Variants in GRIK1 observed in about 807,000 individuals in gnomAD.
GRIK1 encodes the protein glutamate ionotropic receptor kainate type subunit 1, also known as glutamate receptor ionotropic, kainate 1.
In GRIK1, 69 loss-of-function variants were observed where a neutral mutation model predicts 105.7. The ratio of observed to expected loss-of-function variants is 0.65; its 90% confidence interval spans 0.54 to 0.80. The LOEUF is 0.80. GRIK1 is among the 30% of genes least tolerant of loss of function. The pLI, the probability that GRIK1 is intolerant of heterozygous loss-of-function variation, is 0.00. For synonymous variants in GRIK1, 438 were observed against 431.3 expected (o/e 1.02, Z -0.19); for missense variants, 1,109 against 1,167.3 (o/e 0.95, Z 0.73).
intron 1 of GRIK1, among the ~76,000 whole-genome samples, chr21:29,894,909 T>G (rs2070068093): frequency 6.6e-6 from 1 of 152,230 alleles, no homozygotes; most frequent in Non-Finnish European, 1.5e-5. Context: ...GGCAGTCATC[T>G]GGCTTTCTAT....
intron 1 of GRIK1, among the ~76,000 whole-genome samples, chr21:29,717,554 T>A (rs943693254): frequency 6.6e-6 from 1 of 152,248 alleles, no homozygotes; most frequent in African/African-American, 2.4e-5. Context: ...GACTGCCTTA[T>A]TGGAGTTTGG....
intron 1 of GRIK1, among the ~76,000 whole-genome samples, chr21:29,793,682 A>G (rs2066484412): frequency 6.6e-6 from 1 of 152,226 alleles, no homozygotes; most frequent in Non-Finnish European, 1.5e-5. Context: ...CAGGTTAACT[A>G]GAAAGGGCTA....
intron 4 of GRIK1, among the ~76,000 whole-genome samples, chr21:29,664,826 G>C (rs2063029045): frequency 6.6e-6 from 1 of 152,064 alleles, no homozygotes; most frequent in South Asian, 2.1e-4. Context: ...TAGTATGCAG[G>C]CTTCTTTAGA....
chr21:29,868,025 AAAGGAAGG>A (rs58785675), intron 1 of GRIK1, among the ~76,000 whole-genome samples: 1 of 96,722 alleles, frequency 1.0e-5, no homozygotes, highest in East Asian at 5.4e-4. Flanking sequence ...AGACAGAAAG[AAAGGAAGG>A]AAGGAAGGAA....
chr21:29,614,724 A>C (rs1406334489), intron 7 of GRIK1, among the ~76,000 whole-genome samples: 1 of 151,094 alleles, frequency 6.6e-6, no homozygotes, highest in Non-Finnish European at 1.5e-5. Flanking sequence ...CCACCTTTCT[A>C]ATATACTATT....
chr21:29,884,642 T>C (rs1260881369), intron 1 of GRIK1, among the ~76,000 whole-genome samples: 2 of 152,078 alleles, frequency 1.3e-5, no homozygotes, highest in Admixed American at 1.3e-4. Flanking sequence ...TGAGCTACAT[T>C]GCATTACTAG....
At chr21:29,882,401 C>T (rs2069450980) in intron 1 of GRIK1, among the ~76,000 whole-genome samples, 1 of 152,032 alleles carries the variant, frequency 6.6e-6, no homozygotes, top group Non-Finnish European at 1.5e-5. Context: ...ATTCCCTTTC[C>T]TTCTGTCATT....
At chr21:29,924,589 A>G (rs952191367) in intron 1 of GRIK1, among the ~76,000 whole-genome samples, 1 of 152,090 alleles carries the variant, frequency 6.6e-6, no homozygotes, top group African/African-American at 2.4e-5. Context: ...CAACCTACCT[A>G]TCTTAGCATT....
chr21:29,684,951 A>G (rs905556618), intron 3 of GRIK1, among the ~76,000 whole-genome samples: 1 of 152,094 alleles, frequency 6.6e-6, no homozygotes, highest in Non-Finnish European at 1.5e-5. Context: ...ATTAATATCT[A>G]TCATCTACCT....
chr21:29,690,341 A>T (rs1365696655), intron 2 of GRIK1, among the ~76,000 whole-genome samples: 1 of 152,172 alleles, frequency 6.6e-6, no homozygotes, highest in East Asian at 1.9e-4. Flanking sequence ...CCTTTGCCAA[A>T]TGAGTGTTGT....
chr21:29,812,539 T>C (rs1329913751), intron 1 of GRIK1, among the ~76,000 whole-genome samples: 1 of 152,178 alleles, frequency 6.6e-6, no homozygotes, highest in Non-Finnish European at 1.5e-5. Flanking sequence ...CTAACATCTG[T>C]CTCAAAGACC....
Position 29,781,213 on chromosome 21 carries a change from G to GCTTCTTTGCAACTTTATA in GRIK1, c.119-87168_119-87151dup, listed in dbSNP as rs542300776. ...TATAAATGGAATCATACCTATCTGT[G>GCTTCTTTGCAACTTTATA]CTTCTTTGCAACTTTATACTTCTTT... On this transcript the variant is annotated intron_variant, in intron 1 of 17. Coordinates refer to ENST00000327783, the MANE Select transcript of GRIK1 (RefSeq NM_001330994.2). Among the ~76,000 whole-genome samples the GCTTCTTTGCAACTTTATA allele has an allele frequency of 4.3e-4, 65 of 152,140 alleles. 1 individual carries two copies. In the East Asian group the frequency reaches 9.7e-3, roughly 23 times the overall value.
chr21:29,673,013 T>C lies in GRIK1; in HGVS notation c.696A>G (p.Ser232=). Residue 232 remains serine (S), a synonymous_variant, in exon 4 of 18, where the codon TCA becomes TCG. Transcript: ENST00000327783. ...TAAGGATTTCAGCGGCTGTTTCATGTGAACAATCAAATATCACATAGAACT... is the reference window on the plus strand; with the variant it reads ...TAAGGATTTCAGCGGCTGTTTCATGCGAACAATCAAATATCACATAGAACT... ...GKEFYVIFDC[S]HETAAEILKQ... is the part of the protein sequence containing the mutation. 6.2e-7 allele frequency: 1 copy of C among 1,613,380 alleles called. No individual in the cohort carries two copies. Among genetic ancestry groups the C allele is most frequent in the Non-Finnish European group, 8.5e-7 (1 of 1,179,506 alleles).
chr21:29,625,174 C>A (rs1340978432), intron 7 of GRIK1, among the ~76,000 whole-genome samples: 1 of 152,116 alleles, frequency 6.6e-6, no homozygotes, highest in Admixed American at 6.5e-5. Context: ...ATACCTCACG[C>A]CATTGGTTAT....
At chr21:29,935,621 C>T (rs1037168486) in intron 1 of GRIK1, among the ~76,000 whole-genome samples, 3 of 152,130 alleles carry the variant, frequency 2.0e-5, no homozygotes, top group Non-Finnish European at 4.4e-5. Context: ...GGACCTCTCT[C>T]AAGGAAATAA....
chr21:29,593,111 CA>C (rs1310734412), intron 9 of GRIK1, among the ~76,000 whole-genome samples: 11 of 152,198 alleles, frequency 7.2e-5, no homozygotes, highest in African/African-American at 1.7e-4. Context: ...ATTACACGTT[CA>C]CACATCAGTG....
intron 1 of GRIK1, among the ~76,000 whole-genome samples, chr21:29,867,074 T>A (rs2068826537): frequency 6.6e-6 from 1 of 152,184 alleles, no homozygotes; most frequent in Non-Finnish European, 1.5e-5. Flanking sequence ...AAAAGTCTAA[T>A]GACATTTTTA....
In GRIK1 at chr21:29,901,503, A is replaced by T. The variant is rs181975039; in HGVS notation, c.118+37880T>A. On this transcript the variant is annotated intron_variant, in intron 1 of 17. Transcript: ENST00000327783. The stretch of plus-strand genomic sequence containing the variant: ...ACAGAAATACAAACTACCACCAGAG[A>T]ATACTATAAACACCTCTACACAAAT... Among the ~76,000 whole-genome samples the T allele has an allele frequency of 1.3e-3, 194 of 151,894 alleles. 1 individual carries two copies. The highest frequency in any genetic ancestry group is 1.8e-3 in the Non-Finnish European group (124 of 68,008).
chr21:29,587,570 G>C lies in GRIK1; in HGVS notation c.1589C>G (p.Ala530Gly). 1 of 1,611,160 alleles carries C rather than the reference G, an allele frequency of 6.2e-7. No homozygotes were observed. The highest frequency in any genetic ancestry group is 8.5e-7 in the Non-Finnish European group (1 of 1,177,500). Residue 530 changes from alanine (A) to glycine (G), a missense_variant, in exon 12 of 18, where the codon GCT (alanine) becomes GGT (glycine). This residue lies in a region of GRIK1 where 54 missense variants were observed against 88.1 expected (regional missense o/e 0.61). Coordinates refer to ENST00000327783, the MANE Select transcript of GRIK1 (RefSeq NM_001330994.2). ...CCGCACGTAGGTGATGGTAAGAGGA[G>C]CCACTGCCAGGTCAGCCCTCTGCAA... The part of the protein sequence containing the change: ...LIDHRADLAV[A>G]PLTITYVREK...
Sources: gnomAD v4.1 joint callset for allele counts (sites outside exome capture counted in the v4.1 genomes callset) on GRCh38, gnomAD v4.1.1 for gene constraint, gnomAD v4.1.1 regional missense constraint, MANE v1.5 for transcripts, NCBI Gene and HGNC (gene_info 2026-07-23, HGNC 2026-07-21) for gene names.